The following BNC2 variants were observed in gnomAD, a reference collection of about 807,000 sequenced individuals.
The protein encoded by BNC2 is basonuclin zinc finger protein 2, also known as zinc finger protein basonuclin-2.
Under a neutral mutation model 76.3 loss-of-function variants are expected in BNC2, and 20 were observed. The observed-to-expected ratio is 0.26, with a 90% CI of 0.18 to 0.38. The LOEUF (loss-of-function observed/expected upper bound fraction) is 0.38, where lower values mean the gene tolerates loss of function less well. Ranked by LOEUF, BNC2 falls within the 10% of genes least tolerant of loss-of-function variation. BNC2 has a pLI of 1.00. For missense variants in BNC2, 1,382 were observed against 1,399.8 expected (o/e 0.99, Z 0.20); for synonymous variants, 582 against 514.8 (o/e 1.13, Z -1.77).
At chr9:16,683,606 TAAA>T (rs1822888785) in intron 3 of BNC2, among the ~76,000 whole-genome samples, 1 of 152,176 alleles carries the variant, frequency 6.6e-6, no homozygotes. Context: ...GGAAAAAATT[TAAA>T]AAGGACTAGG....
chr9:16,437,463 G>T lies in BNC2; in HGVS notation c.731C>A (p.Thr244Asn). The change falls in exon 6 of 7, where the codon ACC becomes AAC. Residue 244 changes from threonine (T) to asparagine (N), a missense_variant. Around this residue, in one of 3 missense-constraint regions of BNC2, gnomAD observed 557 missense variants for 540.9 expected, o/e 1.03. Coordinates refer to ENST00000380672, the MANE Select transcript of BNC2 (RefSeq NM_017637.6). ...AIMSREEEII[T>N]LQQFLRFGET... ...TCCAAACCGCAGAAACTGCTGAAGG[G>T]TGATGATTTCCTCTTCTCGAGACAT... 1 of 1,613,726 alleles carries T rather than the reference G, an allele frequency of 6.2e-7. No individual in the cohort carries two copies.
intron 4 of BNC2, among the ~76,000 whole-genome samples, chr9:16,579,441 C>T (rs1239744635): frequency 2.0e-5 from 3 of 152,090 alleles, no homozygotes; most frequent in Non-Finnish European, 4.4e-5. Context: ...CGCAAACACA[C>T]CGGACTAATT....
intron 3 of BNC2, among the ~76,000 whole-genome samples, chr9:16,616,077 T>C (rs1820687895): frequency 6.6e-6 from 1 of 152,198 alleles, no homozygotes; most frequent in African/African-American, 2.4e-5. Context: ...GTTGATAATG[T>C]TTCCATAACC....
intron 5 of BNC2, among the ~76,000 whole-genome samples, chr9:16,473,834 C>T (rs1049975661): frequency 6.6e-6 from 1 of 152,142 alleles, no homozygotes; most frequent in Non-Finnish European, 1.5e-5. Flanking sequence ...GATTGTGCCA[C>T]TGCACTCCAG....
chr9:16,520,364 A>C (rs1451159065), intron 5 of BNC2, among the ~76,000 whole-genome samples: 1 of 152,238 alleles, frequency 6.6e-6, no homozygotes, highest in Non-Finnish European at 1.5e-5. Context: ...TTGAACAAGA[A>C]AGAAGCCAAA....
intron 3 of BNC2, among the ~76,000 whole-genome samples, chr9:16,668,957 G>A (rs552902227): frequency 6.6e-6 from 1 of 152,268 alleles, no homozygotes; most frequent in East Asian, 1.9e-4. Context: ...TGAGTAAGTT[G>A]ACGCAGTGCT....
At chr9:16,584,381 G>C (rs1819712541) in intron 3 of BNC2, among the ~76,000 whole-genome samples, 3 of 152,172 alleles carry the variant, frequency 2.0e-5, no homozygotes. Flanking sequence ...CAGAGAATAA[G>C]ACTGAGCAGG....
chr9:16,532,220 C>G (rs1256542209), intron 5 of BNC2, among the ~76,000 whole-genome samples: 3 of 138,850 alleles, frequency 2.2e-5, no homozygotes, highest in Non-Finnish European at 4.5e-5. Context: ...AAGAGACATA[C>G]AGAAAAAAAA....
chr9:16,622,410 G>A (rs924536409), intron 3 of BNC2, among the ~76,000 whole-genome samples: 4 of 152,218 alleles, frequency 2.6e-5, no homozygotes, highest in South Asian at 2.1e-4. Context: ...CCAAGATGAC[G>A]TATCAAATAA....
intron 5 of BNC2, among the ~76,000 whole-genome samples, chr9:16,545,794 CAGAG>C (rs1031211020): frequency 6.6e-6 from 1 of 152,160 alleles, no homozygotes; most frequent in African/African-American, 2.4e-5. Flanking sequence ...AAATATCCCA[CAGAG>C]AACCTTCATC....
chr9:16,809,380 C>T (rs528707983), intron 1 of BNC2, among the ~76,000 whole-genome samples: 4 of 151,968 alleles, frequency 2.6e-5, no homozygotes, highest in East Asian at 1.9e-4. Flanking sequence ...AAAATGCCTT[C>T]GATTGCAGAA....
At chr9:16,566,845 G>C (rs201326113) in intron 4 of BNC2, among the ~76,000 whole-genome samples, 1 of 151,858 alleles carries the variant, frequency 6.6e-6, no homozygotes, top group East Asian at 1.9e-4. Context: ...AAGACCTGGA[G>C]GAAAAACAAA....
intron 4 of BNC2, among the ~76,000 whole-genome samples, chr9:16,574,696 TATC>T (rs111417603): frequency 0.11 from 16,628 of 152,142 alleles, 1,350 homozygotes; most frequent in African/African-American, 0.23. Context: ...CACTAGATAT[TATC>T]ATTAATATTG....
chr9:16,486,354 G>GT (rs1281235308), intron 5 of BNC2, among the ~76,000 whole-genome samples: 1 of 152,188 alleles, frequency 6.6e-6, no homozygotes, highest in Non-Finnish European at 1.5e-5. Flanking sequence ...ATCATTCCTA[G>GT]TTCTGTGGGA....
At chr9:16,566,389 T>C (rs1819167982) in intron 4 of BNC2, among the ~76,000 whole-genome samples, 2 of 152,220 alleles carry the variant, frequency 1.3e-5, no homozygotes, top group Non-Finnish European at 2.9e-5. Context: ...TCCATGTCCC[T>C]TTCTCAACCC....
chr9:16,617,124 G>C (rs149597917), intron 3 of BNC2, among the ~76,000 whole-genome samples: 2 of 152,080 alleles, frequency 1.3e-5, no homozygotes, highest in Non-Finnish European at 2.9e-5. Context: ...TTGATATGGG[G>C]TCATGATCAT....
intron 5 of BNC2, among the ~76,000 whole-genome samples, chr9:16,451,718 T>G (rs369540036): frequency 6.6e-6 from 1 of 152,278 alleles, no homozygotes. Context: ...TCTTTTTCCT[T>G]CCACCTTCCC....
intron 1 of BNC2, among the ~76,000 whole-genome samples, chr9:16,842,806 C>T (rs1818868258): frequency 6.6e-6 from 1 of 152,028 alleles, no homozygotes; most frequent in Non-Finnish European, 1.5e-5. Context: ...TGCAGTCTTG[C>T]TGCAGTGCCA....
chr9:16,654,184 T>G (rs186155487), intron 3 of BNC2, among the ~76,000 whole-genome samples: 1 of 152,124 alleles, frequency 6.6e-6, no homozygotes, highest in Non-Finnish European at 1.5e-5. Flanking sequence ...ACAGTAGAAA[T>G]TGTATTTTTT....
Sources: allele counts gnomAD v4.1 joint callset (sites outside exome capture counted in the v4.1 genomes callset), GRCh38; gene constraint gnomAD v4.1.1; regional missense constraint gnomAD v4.1.1; transcripts MANE v1.5; gene names NCBI Gene and HGNC (gene_info 2026-07-23, HGNC 2026-07-21).